Variants in CCR3 observed in about 807,000 individuals in gnomAD.
The protein encoded by CCR3 is C-C motif chemokine receptor 3, also known as C-C chemokine receptor type 3.
For missense variants in CCR3, 419 were observed against 437.5 expected, an observed-to-expected ratio of 0.96 and a Z score of 0.38; for synonymous variants, 203 against 179.2, an observed-to-expected ratio of 1.13 and a Z score of -1.06.
Position 46,265,480 on chromosome 3 carries a change from C to T in CCR3, c.322C>T (p.Leu108Phe). ...NWVFGHGMCK[L>F]LSGFYHTGLY... ...GGTTTTTGGCCATGGCATGTGTAAG[C>T]TCCTCTCAGGGTTTTATCACACAGG... is the stretch of plus-strand genomic sequence containing the variant. The change falls in exon 2 of 2, where the codon CTC (leucine) becomes TTC (phenylalanine). Residue 108 changes from leucine to phenylalanine, a missense_variant. Physicochemically the swap from Leu to Phe is conservative, Grantham distance 22. Coordinates refer to ENST00000395940, the MANE Select transcript of CCR3 (RefSeq NM_178329.3). 1 of 1,614,174 alleles carries T rather than the reference C, an allele frequency of 6.2e-7. No homozygotes were observed. Among genetic ancestry groups the T allele is most frequent in the Non-Finnish European group, 8.5e-7 (1 of 1,180,012 alleles).
rs755740755 is a variant in CCR3 at position 46,265,262 on chromosome 3, A to G, written c.104A>G (p.Gln35Arg). 1 of 1,614,034 alleles carries G rather than the reference A, an allele frequency of 6.2e-7. No individual in the cohort carries two copies. The highest frequency in any genetic ancestry group is 1.1e-5 in the South Asian group (1 of 91,078). ...GCTGATACCAGAGCACTGATGGCCC[A>G]GTTTGTGCCCCCGCTGTACTCCCTG... ...EKADTRALMA[Q>R]FVPPLYSLVF... is the part of the protein sequence containing the mutation. Residue 35 changes from glutamine (Q) to arginine (R), a missense_variant, in exon 2 of 2, where the codon CAG becomes CGG. Physicochemically the swap from Gln to Arg is conservative, Grantham distance 43 (BLOSUM62 1). Coordinates refer to ENST00000395940, the MANE Select transcript of CCR3 (RefSeq NM_178329.3).
At chr3:46,230,848 G>A (rs1259188275) in intron 2 of CCR3, among the ~76,000 whole-genome samples, 1 of 152,164 alleles carries the variant, frequency 6.6e-6, no homozygotes, top group African/African-American at 2.4e-5. Context: ...TTCCAGGGCA[G>A]GGACCTAGGC....
intron 2 of CCR3, among the ~76,000 whole-genome samples, chr3:46,232,795 G>A (rs1699980719): frequency 6.6e-6 from 1 of 152,188 alleles, no homozygotes. Context: ...TCTCACTCCT[G>A]TCTCTTTTGT....
At position 46,265,401 on chromosome 3, in the gene CCR3, G is replaced by T. The variant is rs773551081; in HGVS notation, c.243G>T (p.Leu81=). ...IYLLNLAISD[L]LFLVTLPFWI... ...TGCTCAACCTGGCCATTTCGGACCT[G>T]CTCTTCCTCGTCACCCTTCCATTCT... is the stretch of plus-strand genomic sequence containing the variant. The change falls in exon 2 of 2, where the codon CTG becomes CTT. Residue 81 remains leucine (L), a synonymous_variant. Transcript: ENST00000395940. 1 of 1,614,188 alleles carries T rather than the reference G, an allele frequency of 6.2e-7. No individual in the cohort carries two copies. The highest frequency in any genetic ancestry group is 8.5e-7 in the Non-Finnish European group (1 of 1,180,026).
intron 2 of CCR3, among the ~76,000 whole-genome samples, chr3:46,216,209 A>G (rs565422036): frequency 6.6e-6 from 1 of 152,368 alleles, no homozygotes; most frequent in South Asian, 2.1e-4. Context: ...CTGCAATGTA[A>G]GGGACTGATT....
In CCR3 at chr3:46,250,506, C is replaced by T. The variant is rs149686656; in HGVS notation, c.-12+7968C>T. 6.3e-3 allele frequency among the ~76,000 whole-genome samples: 954 copies of T among 152,228 alleles called. 2 individuals carry two copies. Among genetic ancestry groups the T allele is most frequent in the Non-Finnish European group, 9.9e-3 (671 of 68,024 alleles). Reference sequence around the variant, plus strand: ...ACTGATGTGTAAAAGAATGCCTGGACATCAGGCACCTCAGACCATTTGCCT... The same window carrying T: ...ACTGATGTGTAAAAGAATGCCTGGATATCAGGCACCTCAGACCATTTGCCT... On this transcript the variant is annotated intron_variant, in intron 1 of 1. Transcript: ENST00000395940.
intron 1 of CCR3, among the ~76,000 whole-genome samples, chr3:46,258,888 A>G (rs1700475112): frequency 6.6e-6 from 1 of 152,216 alleles, no homozygotes; most frequent in Non-Finnish European, 1.5e-5. Flanking sequence ...TAGCCAATCA[A>G]TTGTGCTTCC....
chr3:46,250,312 G>T (rs1320878160), intron 1 of CCR3, among the ~76,000 whole-genome samples: 1 of 152,078 alleles, frequency 6.6e-6, no homozygotes, highest in African/African-American at 2.4e-5. Context: ...GGCTGAGGAA[G>T]AATTGGGACC....
chr3:46,256,245 A>C (rs1223702336), intron 1 of CCR3, among the ~76,000 whole-genome samples: 1 of 152,104 alleles, frequency 6.6e-6, no homozygotes, highest in Non-Finnish European at 1.5e-5. Flanking sequence ...TAAACTTTAT[A>C]TTTTGTGTTT....
intron 1 of CCR3, among the ~76,000 whole-genome samples, chr3:46,260,151 A>G (rs1440760564): frequency 1.3e-5 from 2 of 152,090 alleles, no homozygotes; most frequent in African/African-American, 4.8e-5. Flanking sequence ...CACCCCCATA[A>G]TTCAATCACC....
intron 2 of CCR3, among the ~76,000 whole-genome samples, chr3:46,230,041 C>A (rs1279698591): frequency 6.6e-6 from 1 of 152,016 alleles, no homozygotes; most frequent in Non-Finnish European, 1.5e-5. Context: ...TTCCTTCTGG[C>A]TCTGTGGGCA....
chr3:46,239,570 T>C (rs533157024), upstream of CCR3, among the ~76,000 whole-genome samples: 3 of 152,280 alleles, frequency 2.0e-5, no homozygotes, highest in Admixed American at 1.3e-4. Context: ...GTGCCTTCTA[T>C]TTCACCACTG....
At chr3:46,264,097 A>G (rs1034865976) in intron 1 of CCR3, 10 of 322,728 alleles carry the variant, frequency 3.1e-5, no homozygotes, top group African/African-American at 2.3e-4. Flanking sequence ...CTCCTTTTCC[A>G]CCGAAGTCTA....
At chr3:46,257,899 T>G (rs955315839) in intron 1 of CCR3, among the ~76,000 whole-genome samples, 1 of 152,218 alleles carries the variant, frequency 6.6e-6, no homozygotes, top group African/African-American at 2.4e-5. Context: ...TGAAAGCCAC[T>G]GAGTTGGGGG....
At chr3:46,241,076 G>A (rs1027530357), upstream of CCR3, among the ~76,000 whole-genome samples, 2 of 151,968 alleles carry the variant, frequency 1.3e-5, no homozygotes, top group African/African-American at 4.8e-5. Flanking sequence ...ACTCTTTAAG[G>A]TGGAAACTGA....
upstream of CCR3, among the ~76,000 whole-genome samples, chr3:46,241,330 A>C (rs1700082040): frequency 6.6e-6 from 1 of 152,222 alleles, no homozygotes; most frequent in Non-Finnish European, 1.5e-5. Flanking sequence ...TCAGTGTATC[A>C]AAGATCACTT....
chr3:46,236,357 C>G (rs1218130199), intron 2 of CCR3, among the ~76,000 whole-genome samples: 1 of 152,244 alleles, frequency 6.6e-6, no homozygotes, highest in Non-Finnish European at 1.5e-5. Flanking sequence ...GAGAGCTGCC[C>G]TCACCATGGT....
chr3:46,265,071 G>C (rs563391532), intron 1 of CCR3, 77 bp from the exon 2 acceptor site: 2 of 943,076 alleles, frequency 2.1e-6, no homozygotes, highest in Non-Finnish European at 3.2e-6. Context: ...TTGAGTACAT[G>C]AATAAATCAA....
chr3:46,233,393 C>T lies in CCR3; in HGVS notation c.-67-9009C>T, dbSNP rs1298050766. On this transcript the variant is annotated intron_variant, in intron 2 of 3. Coordinates refer to the CCR3 transcript ENST00000357422. ...CTGCTCTGGCAATCGTTTCCGTTCA[C>T]ATGCTCAAGGTTGTGGCTTGACCTA... is the stretch of plus-strand genomic sequence containing the variant. 1.3e-5 allele frequency among the ~76,000 whole-genome samples: 2 copies of T among 152,232 alleles called. 1 individual carries two copies. The highest frequency in any genetic ancestry group is 4.1e-4 in the South Asian group (2 of 4,832).
Sources: gnomAD v4.1 joint callset for allele counts (sites outside exome capture counted in the v4.1 genomes callset) on GRCh38, gnomAD v4.1.1 for gene constraint, MANE v1.5 for transcripts, NCBI Gene and HGNC (gene_info 2026-07-23, HGNC 2026-07-21) for gene names.